STX17: variants seen among roughly 807,000 people sequenced by gnomAD.
STX17 encodes syntaxin 17.
A neutral mutation model predicts 35.9 loss-of-function variants in STX17; 29 were observed. The observed-to-expected ratio is 0.81, with a 90% confidence interval of 0.60 to 1.10. STX17 has a LOEUF of 1.10. Among genes scored for constraint, STX17 ranks in the 50% least tolerant of loss-of-function variants. STX17 has a pLI of 0.00. For missense variants in STX17, 312 were observed against 352.3 expected (o/e 0.89, Z 0.92); for synonymous variants, 92 against 118.3 (o/e 0.78, Z 1.44).
intron 4 of STX17, among the ~76,000 whole-genome samples, chr9:99,952,969 T>G (rs1358463770): frequency 6.6e-6 from 1 of 151,936 alleles, no homozygotes; most frequent in African/African-American, 2.4e-5. Flanking sequence ...ATGGCACATG[T>G]ATACATATGT....
intron 4 of STX17, among the ~76,000 whole-genome samples, chr9:99,956,417 T>C (rs1829712631): frequency 6.6e-6 from 1 of 152,154 alleles, no homozygotes; most frequent in Admixed American, 6.5e-5. Context: ...AGTTCTCCTT[T>C]ATATTTGATC....
chr9:99,923,054 C>CT (rs1828918471), intron 2 of STX17, among the ~76,000 whole-genome samples: 1 of 152,072 alleles, frequency 6.6e-6, no homozygotes, highest in African/African-American at 2.4e-5. Flanking sequence ...TTTTTATTCC[C>CT]TTTTCTATGT....
intron 2 of STX17, among the ~76,000 whole-genome samples, chr9:99,926,177 ATATCT>A (rs1379831462): frequency 8.6e-5 from 13 of 151,956 alleles, no homozygotes; most frequent in African/African-American, 1.9e-4. Context: ...ATATTTTAAA[ATATCT>A]TATATGGCTT....
intron 2 of STX17, among the ~76,000 whole-genome samples, chr9:99,916,433 TCA>T (rs1194794388): frequency 1.2e-3 from 65 of 53,722 alleles, no homozygotes; most frequent in Middle Eastern, 8.1e-3. Context: ...ATTTATTTAT[TCA>T]TTCATTCATT....
At chr9:99,915,469 C>G in intron 2 of STX17, 107 bp downstream of exon 2, 1 of 1,318,836 alleles carries the variant, frequency 7.6e-7, no homozygotes, top group Non-Finnish European at 1.0e-6. Flanking sequence ...ATTGCTGAAA[C>G]ACCTAGCTCC....
intron 3 of STX17, among the ~76,000 whole-genome samples, chr9:99,948,485 A>G (rs1829528088): frequency 6.6e-6 from 1 of 152,030 alleles, no homozygotes; most frequent in Non-Finnish European, 1.5e-5. Flanking sequence ...AGAACACAAG[A>G]TCTGTGGTCT....
Position 99,915,312 on chromosome 9 carries a change from A to C in STX17, c.73A>C (p.Ile25Leu). The C allele has an allele frequency of 1.9e-6, 3 of 1,612,950 alleles. No individual in the cohort carries two copies. Among genetic ancestry groups the C allele is most frequent in the Non-Finnish European group, 2.5e-6 (3 of 1,179,518 alleles). ...TATCCAGAAATTCATTAAGATAGTA[A>C]TCCCAACAGACCTGGAAAGGTTAAG... ...PAIQKFIKIV[I>L]PTDLERLRKH... The change falls in exon 2 of 8, where the codon ATC (isoleucine) becomes CTC (leucine). Residue 25 changes from isoleucine to leucine, a missense_variant. Transcript: ENST00000259400.
chr9:99,965,539 G>T (rs1829896615), intron 6 of STX17, among the ~76,000 whole-genome samples: 2 of 152,160 alleles, frequency 1.3e-5, no homozygotes, highest in Admixed American at 1.3e-4. Context: ...ACTGTTTCAG[G>T]CAAGAGTGGA....
intron 4 of STX17, among the ~76,000 whole-genome samples, chr9:99,953,186 CAG>C (rs1829638996): frequency 6.6e-6 from 1 of 151,830 alleles, no homozygotes; most frequent in African/African-American, 2.4e-5. Flanking sequence ...CAGTAATTTA[CAG>C]AGAGATTAAA....
chr9:99,939,471 T>G (rs537815988), intron 3 of STX17, among the ~76,000 whole-genome samples: 1 of 152,316 alleles, frequency 6.6e-6, no homozygotes, highest in Non-Finnish European at 1.5e-5. Context: ...CACTATTATT[T>G]TGTATACCTC....
chr9:99,938,213 A>G (rs1187655931), intron 3 of STX17: 1 of 152,160 alleles, frequency 6.6e-6, no homozygotes, highest in African/African-American at 2.4e-5. Context: ...CCGATGTATC[A>G]CTGATCCCTC....
chr9:99,932,525 T>C (rs1829147050), intron 3 of STX17, among the ~76,000 whole-genome samples: 1 of 152,202 alleles, frequency 6.6e-6, no homozygotes, highest in Admixed American at 6.5e-5. Context: ...ACTCAGCATG[T>C]TAATGATTTA....
At chr9:99,933,939 C>T (rs1829176596) in intron 3 of STX17, among the ~76,000 whole-genome samples, 2 of 152,268 alleles carry the variant, frequency 1.3e-5, no homozygotes, top group South Asian at 4.1e-4. Flanking sequence ...CTGAAAAGTA[C>T]ATCACAGTTT....
Position 99,951,064 on chromosome 9 carries a change from T to G in STX17, c.194T>G (p.Leu65Arg). ...HINAGRTVQQ[L>R]RSNIREIEKL... ...AATGATTTTTTTCTTTTATAGCAAC[T>G]CCGATCCAATATCCGAGAAATTGAG... Residue 65 changes from leucine (L) to arginine (R), a missense_variant, in exon 4 of 8, where the codon CTC (leucine) becomes CGC (arginine). Leu to Arg is a moderately radical substitution (Grantham distance 102, BLOSUM62 -2). Coordinates refer to ENST00000259400, the MANE Select transcript of STX17 (RefSeq NM_017919.3). 6.2e-7 allele frequency: 1 copy of G among 1,606,994 alleles called. No individual in the cohort carries two copies. The highest frequency in any genetic ancestry group is 8.5e-7 in the Non-Finnish European group (1 of 1,176,872).
chr9:99,930,855 G>C (rs1002171979), intron 3 of STX17, among the ~76,000 whole-genome samples: 3 of 152,082 alleles, frequency 2.0e-5, no homozygotes, highest in African/African-American at 7.2e-5. Context: ...GTGATTGCTA[G>C]TTTCACTAGA....
intron 2 of STX17, chr9:99,916,200 A>G (rs1164681803): frequency 1.3e-5 from 5 of 395,184 alleles, no homozygotes; most frequent in South Asian, 3.8e-5. Flanking sequence ...CTCAGGGACT[A>G]TGATAGAGGT....
At chr9:99,918,776 C>T (rs1207565608) in intron 2 of STX17, among the ~76,000 whole-genome samples, 2 of 152,074 alleles carry the variant, frequency 1.3e-5, no homozygotes, top group Non-Finnish European at 2.9e-5. Flanking sequence ...CACTAGATGT[C>T]AGTAACTCTA....
chr9:99,943,965 G>A (rs537655358), intron 3 of STX17, among the ~76,000 whole-genome samples: 5 of 152,162 alleles, frequency 3.3e-5, no homozygotes, highest in East Asian at 3.9e-4. Flanking sequence ...TTTGTGTGGC[G>A]AGGAAGAGAG....
At chr9:99,919,936 A>T (rs1337516570) in intron 2 of STX17, among the ~76,000 whole-genome samples, 2 of 152,258 alleles carry the variant, frequency 1.3e-5, no homozygotes. Flanking sequence ...GTATAAAATC[A>T]GACATAATCA....
Sources: allele counts gnomAD v4.1 joint callset (sites outside exome capture counted in the v4.1 genomes callset), GRCh38; gene constraint gnomAD v4.1.1; transcripts MANE v1.5; gene names NCBI Gene and HGNC (gene_info 2026-07-23, HGNC 2026-07-21).